Variants in HERC1 observed in about 807,000 individuals in gnomAD.
HERC1 encodes HECT and RLD domain containing E3 ubiquitin protein ligase family member 1, also known as probable E3 ubiquitin-protein ligase HERC1.
HERC1 carries 160 observed loss-of-function variants against 554.3 expected under a neutral mutation model. That is an observed-to-expected ratio of 0.29 (90% CI 0.25 to 0.33). HERC1 has a LOEUF of 0.33. HERC1 is among the 10% of genes least tolerant of loss of function. The probability of loss-of-function intolerance (pLI) is 1.00; values close to 1 mark genes in which losing one functional copy is unlikely to be tolerated. For missense variants in HERC1, 4,919 were observed against 5,918.5 expected (o/e 0.83, Z 5.54); for synonymous variants, 2,175 against 2,131.7 (o/e 1.02, Z -0.56).
At chr15:63,671,203 CAAAAA>C (rs371521135) in intron 39 of HERC1, among the ~76,000 whole-genome samples, 2 of 123,456 alleles carry the variant, frequency 1.6e-5, no homozygotes, top group Non-Finnish European at 3.3e-5. Context: ...AACTTTGTCT[CAAAAA>C]AAAAAAAAAA....
At chr15:63,751,547 C>T (rs1443012052) in intron 8 of HERC1, among the ~76,000 whole-genome samples, 2 of 152,110 alleles carry the variant, frequency 1.3e-5, no homozygotes, top group East Asian at 1.9e-4. Context: ...ATGAGAAATA[C>T]TTGGCTTGCC....
In HERC1 at chr15:63,706,898, T is replaced by C. The variant is rs1555425004; in HGVS notation, c.4585-67A>G. ...AAAGTATTTTAAGATTAAGATTTAA[T>C]AGAGTATTAGAATAGAAATTCATGT... On this transcript the variant is annotated intron_variant, in intron 24 of 77. Transcript: ENST00000443617. 2.1e-5 allele frequency: 21 copies of C among 998,470 alleles called. No individual in the cohort carries two copies. The South Asian group carries it at 2.7e-4, about 13-fold the overall frequency. The allele number at this position is 998,470 out of a possible 1,614,324, so 61.9% of individuals were successfully genotyped here.
At chr15:63,783,998 A>G (rs963713234) in intron 1 of HERC1, among the ~76,000 whole-genome samples, 3 of 151,672 alleles carry the variant, frequency 2.0e-5, no homozygotes, top group Non-Finnish European at 4.4e-5. Flanking sequence ...CCCGGGAGGC[A>G]GAGGTTACAG....
chr15:63,809,467 T>C (rs535119890), intron 1 of HERC1, among the ~76,000 whole-genome samples: 1 of 152,260 alleles, frequency 6.6e-6, no homozygotes, highest in East Asian at 1.9e-4. Context: ...CATAAGCAAT[T>C]ACAGTACAAT....
intron 7 of HERC1, 40 bp downstream of exon 7, chr15:63,754,465 G>C: frequency 6.6e-7 from 1 of 1,516,276 alleles, no homozygotes; most frequent in Non-Finnish European, 8.8e-7. Context: ...AAAAACTCAA[G>C]AAAAAAGCCA....
At chr15:63,615,719 G>C in intron 76 of HERC1, 49 bp downstream of exon 76, 1 of 1,500,792 alleles carries the variant, frequency 6.7e-7, no homozygotes, top group Non-Finnish European at 8.9e-7. Context: ...CTCTCATTTG[G>C]AGAGAAACCC....
intron 44 of HERC1, among the ~76,000 whole-genome samples, chr15:63,662,541 G>T (rs1352797604): frequency 2.0e-5 from 3 of 152,124 alleles, no homozygotes; most frequent in Admixed American, 1.3e-4. Context: ...CTAAATGGAG[G>T]TATTTACAAG....
At chr15:63,647,548 TCATA>T (rs2069422353) in intron 55 of HERC1, among the ~76,000 whole-genome samples, 2 of 152,222 alleles carry the variant, frequency 1.3e-5, no homozygotes, top group Non-Finnish European at 2.9e-5. Context: ...ATGCCTGCAC[TCATA>T]CATTTATCAC....
chr15:63,650,003 A>G, intron 53 of HERC1, 78 bp from the exon 54 acceptor site: 1 of 1,012,940 alleles, frequency 9.9e-7, no homozygotes, highest in South Asian at 1.5e-5. Context: ...ATACTACTTA[A>G]TTCTAATACA....
At chr15:63,796,582 C>T (rs2076819957) in intron 1 of HERC1, among the ~76,000 whole-genome samples, 1 of 152,166 alleles carries the variant, frequency 6.6e-6, no homozygotes, top group African/African-American at 2.4e-5. Flanking sequence ...GCCTGTGATA[C>T]AGACTCAGGA....
intron 70 of HERC1, 141 bp downstream of exon 70, chr15:63,628,536 G>T: frequency 2.4e-6 from 2 of 850,942 alleles, no homozygotes; most frequent in Non-Finnish European, 3.5e-6. Context: ...AGTGCTAGTA[G>T]CACAAAGAAT....
chr15:63,643,083 A>G, intron 58 of HERC1, 25 bp from the exon 59 acceptor site: 1 of 1,347,718 alleles, frequency 7.4e-7, no homozygotes, highest in East Asian at 2.3e-5. Flanking sequence ...ATTTACCAAT[A>G]CACACCATTG....
Position 63,656,364 on chromosome 15 carries a change from A to G in HERC1, c.9600-6T>C, listed in dbSNP as rs757835326. The G allele has an allele frequency of 3.1e-6, 5 of 1,602,404 alleles. No individual in the cohort carries two copies. Among genetic ancestry groups the G allele is most frequent in the South Asian group, 1.1e-5 (1 of 90,930 alleles). On this transcript the variant is annotated splice_polypyrimidine_tract_variant and splice_region_variant and intron_variant, in intron 48 of 77. Transcript: ENST00000443617. ...CCAGGCTACAACTGGAACCACTGCC[A>G]GTAAAGAAAAACATCTCAGATGGAT... is the stretch of plus-strand genomic sequence containing the variant.
intron 71 of HERC1, among the ~76,000 whole-genome samples, chr15:63,624,914 A>G (rs2068235320): frequency 6.6e-6 from 1 of 152,212 alleles, no homozygotes; most frequent in South Asian, 2.1e-4. Flanking sequence ...ATGCCCCATT[A>G]ATAATTTCAT....
At chr15:63,665,413 G>A (rs1375491952) in intron 42 of HERC1, among the ~76,000 whole-genome samples, 1 of 152,100 alleles carries the variant, frequency 6.6e-6, no homozygotes, top group East Asian at 1.9e-4. Context: ...CATGCCTATA[G>A]TCCCAGCTAC....
chr15:63,693,931 G>A lies in HERC1; in HGVS notation c.5674+33C>T, dbSNP rs900998887. 6.5e-6 allele frequency: 10 copies of A among 1,535,402 alleles called. No homozygotes were observed. In the African/African-American group the frequency reaches 9.7e-5, roughly 15 times the overall value. On this transcript the variant is annotated intron_variant, in intron 30 of 77. Coordinates refer to ENST00000443617, the MANE Select transcript of HERC1 (RefSeq NM_003922.4). ...CACAATGGGGTTTTAATAAATGCTT[G>A]TAAGTAAAGACAGAGAAAGAGGCTT...
At chr15:63,705,898 T>TG (rs2072976652) in intron 25 of HERC1, among the ~76,000 whole-genome samples, 1 of 151,776 alleles carries the variant, frequency 6.6e-6, no homozygotes, top group Admixed American at 6.6e-5. Context: ...AGCATGGTGG[T>TG]GCACACCTGC....
At chr15:63,833,753 G>GCA (rs778263359) in intron 1 of HERC1, 74 bp downstream of exon 1, 8,385 of 46,174 alleles carry the variant, frequency 0.18, 307 homozygotes, top group Non-Finnish European at 0.27. Context: ...ACGCGCGCGC[G>GCA]CACACACACA....
Position 63,749,395 on chromosome 15 carries a change from G to A in HERC1, c.2191C>T (p.Leu731=), listed in dbSNP as rs753750533. The change falls in exon 10 of 78, where the codon CTG becomes TTG. Residue 731 remains leucine, a synonymous_variant. Coordinates refer to ENST00000443617, the MANE Select transcript of HERC1 (RefSeq NM_003922.4). The surrounding 1 kb of genome is among the most constrained non-coding windows in gnomAD (Gnocchi z 4.1). The part of the protein sequence containing the change: ...QQISAGTSHS[L]AWTALPRDRQ... ...TCCCTAGGAAGAGCAGTCCATGCCA[G>A]ACTATGTGATGTTCCAGCCGAAATC... 1.9e-6 allele frequency: 3 copies of A among 1,613,132 alleles called. No homozygotes were observed. Among genetic ancestry groups the A allele is most frequent in the Non-Finnish European group, 2.5e-6 (3 of 1,179,602 alleles).
Sources: gnomAD v4.1 joint callset for allele counts (sites outside exome capture counted in the v4.1 genomes callset) on GRCh38, gnomAD v4.1.1 for gene constraint, Gnocchi (gnomAD v3.1) non-coding constraint, MANE v1.5 for transcripts, NCBI Gene and HGNC (gene_info 2026-07-23, HGNC 2026-07-21) for gene names.